The following CDH13 variants were observed in gnomAD, a reference collection of about 807,000 sequenced individuals.
CDH13 encodes cadherin 13.
A neutral mutation model predicts 63.8 loss-of-function variants in CDH13; 24 were observed. That is an observed-to-expected ratio of 0.38 (90% CI 0.27 to 0.53). CDH13 has a LOEUF of 0.53. Ranked by LOEUF, CDH13 falls within the 20% of genes least tolerant of loss-of-function variation. The pLI, the probability that CDH13 is intolerant of heterozygous loss-of-function variation, is 0.85. For synonymous variants in CDH13, 503 were observed against 355.3 expected, an observed-to-expected ratio of 1.42 and a Z score of -4.67; for missense variants, 1,049 against 903.1, an observed-to-expected ratio of 1.16 and a Z score of -2.07.
At chr16:82,837,397 G>A (rs1051496844) in intron 1 of CDH13, among the ~76,000 whole-genome samples, 1 of 152,076 alleles carries the variant, frequency 6.6e-6, no homozygotes, top group African/African-American at 2.4e-5. Context: ...ATTTATGTCA[G>A]AGGTCCCCAA....
chr16:83,464,596 G>T (rs2073261982), intron 6 of CDH13, among the ~76,000 whole-genome samples: 2 of 152,218 alleles, frequency 1.3e-5, no homozygotes, highest in Admixed American at 6.5e-5. Context: ...CTGACCTCAG[G>T]TGATCCACCC....
chr16:83,004,382 A>G (rs533829523), intron 2 of CDH13, among the ~76,000 whole-genome samples: 1 of 152,356 alleles, frequency 6.6e-6, no homozygotes, highest in Non-Finnish European at 1.5e-5. Context: ...GCTGTAATAA[A>G]GAATGCTACA....
At chr16:82,865,414 C>G (rs2040093738) in intron 2 of CDH13, among the ~76,000 whole-genome samples, 1 of 152,240 alleles carries the variant, frequency 6.6e-6, no homozygotes, top group African/African-American at 2.4e-5. Flanking sequence ...CCTCTGAAAT[C>G]TAGGCAGAAG....
At chr16:83,147,045 G>A (rs570495576) in intron 4 of CDH13, among the ~76,000 whole-genome samples, 10 of 152,184 alleles carry the variant, frequency 6.6e-5, no homozygotes, top group Admixed American at 2.6e-4. Flanking sequence ...ATGAGATCAC[G>A]CCGCTGTACT....
At chr16:83,176,760 T>A (rs923708067) in intron 4 of CDH13, among the ~76,000 whole-genome samples, 1 of 152,062 alleles carries the variant, frequency 6.6e-6, no homozygotes, top group Admixed American at 6.6e-5. Context: ...AGTTGCTTGA[T>A]GAAATGGAGG....
intron 7 of CDH13, among the ~76,000 whole-genome samples, chr16:83,489,267 T>C (rs1389347563): frequency 6.6e-6 from 1 of 152,242 alleles, no homozygotes; most frequent in African/African-American, 2.4e-5. Context: ...ATTTGGGCTT[T>C]CATTAAGTTG....
intron 6 of CDH13, among the ~76,000 whole-genome samples, chr16:83,412,188 A>C (rs1286407833): frequency 3.3e-5 from 5 of 152,220 alleles, no homozygotes; most frequent in Non-Finnish European, 5.9e-5. Context: ...AAGGCCAGGC[A>C]TGGTAGCTCA....
At chr16:83,554,237 A>AT (rs2075562070) in intron 7 of CDH13, among the ~76,000 whole-genome samples, 1 of 152,202 alleles carries the variant, frequency 6.6e-6, no homozygotes, top group African/African-American at 2.4e-5. Flanking sequence ...AAAATAGGCA[A>AT]TGGAGGAGAG....
At chr16:83,252,069 T>C (rs1905607341) in intron 5 of CDH13, among the ~76,000 whole-genome samples, 1 of 142,514 alleles carries the variant, frequency 7.0e-6, no homozygotes, top group South Asian at 2.2e-4. Context: ...AATAAATATA[T>C]ATATATAGTA....
rs367792630 is a variant in CDH13, at chr16:83,401,824, C to G, written c.781+56818C>G. The stretch of plus-strand genomic sequence containing the variant: ...CTCAAGCATTCATGTAGGTGAAAAA[C>G]TTCTTTAGAATTCTCTGAGCCAAGA... On this transcript the variant is annotated intron_variant, in intron 6 of 13. Transcript: ENST00000567109. Among the ~76,000 whole-genome samples the G allele has an allele frequency of 3.0e-4, 45 of 152,266 alleles. 1 individual carries two copies. The South Asian group carries it at 9.3e-3, about 32-fold the overall frequency.
intron 4 of CDH13, among the ~76,000 whole-genome samples, chr16:83,134,435 C>A (rs1597393209): frequency 6.6e-6 from 1 of 151,982 alleles, no homozygotes; most frequent in African/African-American, 2.4e-5. Context: ...GGTGATCCAC[C>A]TGCCTCGGCC....
chr16:83,246,027 G>T (rs910968848), intron 5 of CDH13, among the ~76,000 whole-genome samples: 19 of 152,206 alleles, frequency 1.2e-4, no homozygotes. Flanking sequence ...GTGAACCACT[G>T]CGCCTGGCCC....
At chr16:82,917,268 C>T (rs2042019087) in intron 2 of CDH13, among the ~76,000 whole-genome samples, 1 of 152,192 alleles carries the variant, frequency 6.6e-6, no homozygotes, top group Non-Finnish European at 1.5e-5. Context: ...TGCTGATCTC[C>T]ATTGGGTGGG....
chr16:82,739,539 C>G (rs2033839363), intron 1 of CDH13, among the ~76,000 whole-genome samples: 1 of 152,202 alleles, frequency 6.6e-6, no homozygotes, highest in African/African-American at 2.4e-5. Context: ...CTTACTCTCC[C>G]TGTTTAAGCA....
intron 2 of CDH13, among the ~76,000 whole-genome samples, chr16:83,017,393 C>T (rs961279114): frequency 6.6e-6 from 1 of 152,156 alleles, no homozygotes; most frequent in Non-Finnish European, 1.5e-5. Context: ...TGTAGAATAA[C>T]TTCGAACATT....
intron 5 of CDH13, among the ~76,000 whole-genome samples, chr16:83,331,518 G>A (rs1186125291): frequency 2.0e-5 from 3 of 152,180 alleles, no homozygotes; most frequent in Non-Finnish European, 2.9e-5. Context: ...TCTAGTCAGT[G>A]TGTAGTCACT....
chr16:83,078,473 G>A (rs1597287673), intron 3 of CDH13, among the ~76,000 whole-genome samples: 1 of 152,352 alleles, frequency 6.6e-6, no homozygotes, highest in East Asian at 1.9e-4. Context: ...TTTGTACTTT[G>A]TACTCCTATA....
chr16:83,454,725 T>G (rs2072975923), intron 6 of CDH13, among the ~76,000 whole-genome samples: 1 of 152,096 alleles, frequency 6.6e-6, no homozygotes. Flanking sequence ...TTTTTTTTTT[T>G]TGATATAGAG....
chr16:83,066,456 C>G (rs967440941), intron 3 of CDH13, among the ~76,000 whole-genome samples: 1 of 152,098 alleles, frequency 6.6e-6, no homozygotes, highest in African/African-American at 2.4e-5. Flanking sequence ...GCCTTCTGAC[C>G]GAGGACCTCC....
Sources: allele counts gnomAD v4.1 joint callset (sites outside exome capture counted in the v4.1 genomes callset), GRCh38; gene constraint gnomAD v4.1.1; transcripts MANE v1.5; gene names NCBI Gene and HGNC (gene_info 2026-07-23, HGNC 2026-07-21).